The following PODXL2 variants were observed in gnomAD, a reference collection of about 807,000 sequenced individuals.
The protein encoded by PODXL2 is podocalyxin like 2.
In PODXL2, 17 loss-of-function variants were observed where a neutral mutation model predicts 53.4. The observed-to-expected ratio is 0.32, with a 90% CI of 0.22 to 0.48. The LOEUF (loss-of-function observed/expected upper bound fraction) is 0.48, where lower values mean the gene tolerates loss of function less well. Among genes scored for constraint, PODXL2 ranks in the 20% least tolerant of loss-of-function variants. The probability of loss-of-function intolerance (pLI) is 0.99; values close to 1 mark genes in which losing one functional copy is unlikely to be tolerated. For missense variants in PODXL2, 673 were observed against 760.0 expected (o/e 0.89, Z 1.35); for synonymous variants, 311 against 306.7 (o/e 1.01, Z -0.15).
intron 4 of PODXL2, among the ~76,000 whole-genome samples, chr3:127,664,248 A>G (rs2074783153): frequency 6.6e-6 from 1 of 151,644 alleles, no homozygotes; most frequent in African/African-American, 2.4e-5. Flanking sequence ...ATTAGACAAC[A>G]TTTGTCATTT....
chr3:127,659,163 A>G (rs2074745703), intron 2 of PODXL2, among the ~76,000 whole-genome samples: 1 of 152,148 alleles, frequency 6.6e-6, no homozygotes, highest in African/African-American at 2.4e-5. Flanking sequence ...TACTAATTAG[A>G]CTTTTAAAAA....
At chr3:127,664,353 A>T (rs962872960) in intron 4 of PODXL2, among the ~76,000 whole-genome samples, 2 of 152,080 alleles carry the variant, frequency 1.3e-5, no homozygotes, top group African/African-American at 4.8e-5. Context: ...TTAAGGCTGA[A>T]AAATATTCCA....
chr3:127,666,987 G>T (rs949074101), intron 4 of PODXL2, among the ~76,000 whole-genome samples: 2 of 152,212 alleles, frequency 1.3e-5, no homozygotes, highest in Non-Finnish European at 2.9e-5. Context: ...ATGGTGCATG[G>T]ACCCTTGCTC....
At chr3:127,664,462 G>A (rs570623691) in intron 4 of PODXL2, among the ~76,000 whole-genome samples, 2 of 152,042 alleles carry the variant, frequency 1.3e-5, no homozygotes, top group Non-Finnish European at 2.9e-5. Context: ...TGCTGGGAAT[G>A]TGCTGTGCAA....
At chr3:127,641,171 C>T (rs993713455) in intron 2 of PODXL2, among the ~76,000 whole-genome samples, 1 of 152,120 alleles carries the variant, frequency 6.6e-6, no homozygotes, top group Non-Finnish European at 1.5e-5. Context: ...CTCGGCCTCC[C>T]AAAGTGCTGG....
At chr3:127,659,237 T>C (rs1024134892) in intron 2 of PODXL2, among the ~76,000 whole-genome samples, 1 of 152,220 alleles carries the variant, frequency 6.6e-6, no homozygotes, top group East Asian at 1.9e-4. Context: ...TGCCTCTTCC[T>C]AACTCTGGGT....
chr3:127,645,638 A>G (rs1483959647), intron 2 of PODXL2, among the ~76,000 whole-genome samples: 3 of 152,236 alleles, frequency 2.0e-5, no homozygotes, highest in African/African-American at 7.2e-5. Context: ...ATCTCCGTGT[A>G]CTGGCAGTGG....
At chr3:127,668,099 T>TGC (rs1345862380) in intron 4 of PODXL2, among the ~76,000 whole-genome samples, 1 of 100,964 alleles carries the variant, frequency 9.9e-6, no homozygotes, top group South Asian at 3.6e-4. Flanking sequence ...TGTACATGGC[T>TGC]GCGTGTGTGT....
At chr3:127,631,243 T>A (rs1007982001) in intron 1 of PODXL2, among the ~76,000 whole-genome samples, 1 of 152,062 alleles carries the variant, frequency 6.6e-6, no homozygotes, top group African/African-American at 2.4e-5. Flanking sequence ...GCCCCTCCCA[T>A]GTTGGTGTCT....
intron 2 of PODXL2, among the ~76,000 whole-genome samples, chr3:127,659,004 A>G (rs1450268434): frequency 6.6e-5 from 10 of 151,468 alleles, no homozygotes; most frequent in Non-Finnish European, 1.5e-5. Context: ...TTTCCCAGCC[A>G]TTAAAAATTT....
At chr3:127,638,714 CA>C (rs111374102) in intron 1 of PODXL2, among the ~76,000 whole-genome samples, 4 of 151,034 alleles carry the variant, frequency 2.6e-5, no homozygotes, top group African/African-American at 9.7e-5. Context: ...GACTCCATCT[CA>C]AAAAAAATAA....
intron 2 of PODXL2, among the ~76,000 whole-genome samples, chr3:127,642,544 A>G (rs1576428133): frequency 6.6e-6 from 1 of 152,024 alleles, no homozygotes; most frequent in African/African-American, 2.4e-5. Context: ...CTGCAGGGAA[A>G]GTGGTGTAGA....
intron 5 of PODXL2, among the ~76,000 whole-genome samples, chr3:127,668,821 A>G (rs542665212): frequency 6.6e-6 from 1 of 152,240 alleles, no homozygotes; most frequent in African/African-American, 2.4e-5. Flanking sequence ...AGGCAGGGGA[A>G]CAGGTGTGGT....
At chr3:127,636,543 T>C (rs1275460720) in intron 1 of PODXL2, among the ~76,000 whole-genome samples, 1 of 152,240 alleles carries the variant, frequency 6.6e-6, no homozygotes, top group Non-Finnish European at 1.5e-5. Context: ...CCACAAAATA[T>C]GAGATGGCTG....
chr3:127,639,473 A>T lies in PODXL2; in HGVS notation c.299A>T (p.Glu100Val), dbSNP rs1334514165. 1 of 1,614,238 alleles carries T rather than the reference A, an allele frequency of 6.2e-7. No individual in the cohort carries two copies. Among genetic ancestry groups the T allele is most frequent in the Non-Finnish European group, 8.5e-7 (1 of 1,180,012 alleles). The stretch of plus-strand genomic sequence containing the variant: ...CTGCAGCCACCACAGTACTTCTGGG[A>T]AGAGGAGGAAGAGCTGAATGACTCA... The part of the protein sequence containing the change: ...RILQPPQYFW[E>V]EEEELNDSSL... Residue 100 changes from glutamate (E) to valine (V), a missense_variant, in exon 2 of 8, where the codon GAA (glutamate) becomes GTA (valine). By Grantham distance (121) the Glu-to-Val change is moderately radical. Around this residue, in one of 3 missense-constraint regions of PODXL2, gnomAD observed 588 missense variants for 668.3 expected, o/e 0.88. Coordinates refer to ENST00000342480, the MANE Select transcript of PODXL2 (RefSeq NM_015720.4).
At chr3:127,633,802 G>A (rs1559871898) in intron 1 of PODXL2, among the ~76,000 whole-genome samples, 1 of 152,008 alleles carries the variant, frequency 6.6e-6, no homozygotes, top group Non-Finnish European at 1.5e-5. Context: ...GAGGAGTGGT[G>A]TCTCATCCAG....
Position 127,660,654 on chromosome 3 carries a change from C to T in PODXL2, c.626C>T (p.Thr209Ile). ...AKPQVRDFSL[T>I]SSSQTPGATK... The stretch of plus-strand genomic sequence containing the variant: ...CCTCAGGTCCGTGACTTTTCTCTCA[C>T]CAGCAGCAGCCAGACCCCAGGGGCC... The change falls in exon 3 of 8, where the codon ACC becomes ATC. Residue 209 changes from threonine (T) to isoleucine (I), a missense_variant. This residue lies in a region of PODXL2 where 588 missense variants were observed against 668.3 expected (regional missense o/e 0.88). Transcript: ENST00000342480. 7 of 1,614,240 alleles carry T rather than the reference C, an allele frequency of 4.3e-6. No homozygotes were observed. The highest frequency in any genetic ancestry group is 5.9e-6 in the Non-Finnish European group (7 of 1,180,046).
chr3:127,659,285 G>A (rs1039679388), intron 2 of PODXL2, among the ~76,000 whole-genome samples: 1 of 151,948 alleles, frequency 6.6e-6, no homozygotes, highest in Non-Finnish European at 1.5e-5. Flanking sequence ...TTTTTCCTAT[G>A]TTTATTTTGG....
intron 2 of PODXL2, among the ~76,000 whole-genome samples, chr3:127,651,675 G>A (rs1404434495): frequency 6.6e-6 from 1 of 152,248 alleles, no homozygotes; most frequent in African/African-American, 2.4e-5. Context: ...CCCGTGTTAG[G>A]ACCCTGACCC....
Sources: gnomAD v4.1 joint callset for allele counts (sites outside exome capture counted in the v4.1 genomes callset) on GRCh38, gnomAD v4.1.1 for gene constraint, gnomAD v4.1.1 regional missense constraint, MANE v1.5 for transcripts, NCBI Gene and HGNC (gene_info 2026-07-23, HGNC 2026-07-21) for gene names.